The following STAB2 variants were observed in gnomAD, a reference collection of about 807,000 sequenced individuals.
The protein encoded by STAB2 is stabilin 2, also known as stabilin-2.
In STAB2, 288 loss-of-function variants were observed where a neutral mutation model predicts 338.1. That is an observed-to-expected ratio of 0.85 (90% CI 0.77 to 0.94). STAB2 has a LOEUF of 0.94. Ranked by LOEUF, STAB2 falls within the 40% of genes least tolerant of loss-of-function variation. STAB2 has a pLI of 0.00. For missense variants in STAB2, 3,141 were observed against 3,210.1 expected (o/e 0.98, Z 0.52); for synonymous variants, 1,202 against 1,193.3 (o/e 1.01, Z -0.15).
chr12:103,658,450 A>C (rs1429643727), intron 15 of STAB2, among the ~76,000 whole-genome samples: 3 of 152,162 alleles, frequency 2.0e-5, no homozygotes, highest in Admixed American at 2.0e-4. Context: ...AGTGATGCGG[A>C]TCAATTTCTT....
chr12:103,636,492 C>T (rs1057357485), intron 6 of STAB2, among the ~76,000 whole-genome samples: 1 of 151,826 alleles, frequency 6.6e-6, no homozygotes, highest in Non-Finnish European at 1.5e-5. Context: ...GATCAGGGCT[C>T]ACCTCCTATA....
chr12:103,621,291 G>A (rs577285134), intron 4 of STAB2, among the ~76,000 whole-genome samples: 19 of 145,836 alleles, frequency 1.3e-4, no homozygotes, highest in African/African-American at 3.9e-4. Flanking sequence ...TTTGTGAACC[G>A]TTAGGCTTAC....
chr12:103,753,178 C>A (rs774619296), intron 60 of STAB2, 42 bp from the exon 61 acceptor site: 1 of 1,608,274 alleles, frequency 6.2e-7, no homozygotes, highest in East Asian at 2.2e-5. Flanking sequence ...CACTGCCAAC[C>A]TGGTGGGCTG....
chr12:103,672,543 G>A (rs703642), intron 22 of STAB2, among the ~76,000 whole-genome samples: 1 of 152,014 alleles, frequency 6.6e-6, no homozygotes, highest in East Asian at 1.9e-4. Context: ...GATTTTCCAG[G>A]CCCGCTCACT....
intron 36 of STAB2, 97 bp from the exon 37 acceptor site, chr12:103,705,535 T>A: frequency 1.1e-6 from 1 of 940,176 alleles, no homozygotes; most frequent in Non-Finnish European, 1.7e-6. Flanking sequence ...AACACTTTAG[T>A]CAGAGAGACA....
intron 63 of STAB2, among the ~76,000 whole-genome samples, chr12:103,757,545 C>T (rs1884224732): frequency 6.6e-6 from 1 of 152,240 alleles, no homozygotes; most frequent in Non-Finnish European, 1.5e-5. Flanking sequence ...GGGGGCACCC[C>T]AGGGTCCCCC....
In STAB2 at chr12:103,670,742, G is replaced by T; in HGVS notation, c.2306G>T (p.Gly769Val). 6.2e-7 allele frequency: 1 copy of T among 1,614,144 alleles called. No homozygotes were observed. The highest frequency in any genetic ancestry group is 8.5e-7 in the Non-Finnish European group (1 of 1,180,010). ...AACGGGACATGCATTTGTGAGGAGGGCTTCCAAGGCTCCCAGTGTCAGTTC... is the reference window on the plus strand; with the variant it reads ...AACGGGACATGCATTTGTGAGGAGGTCTTCCAAGGCTCCCAGTGTCAGTTC... The part of the protein sequence containing the change: ...GGNGTCICEE[G>V]FQGSQCQFCS... Residue 769 changes from glycine (G) to valine (V), a missense_variant, in exon 22 of 69, where the codon GGC becomes GTC. By Grantham distance (109) the Gly-to-Val change is moderately radical. Coordinates refer to ENST00000388887, the MANE Select transcript of STAB2 (RefSeq NM_017564.10).
intron 25 of STAB2, among the ~76,000 whole-genome samples, chr12:103,681,641 G>A (rs1228538494): frequency 1.9e-4 from 2 of 10,760 alleles, no homozygotes; most frequent in African/African-American, 5.3e-4. Context: ...TTTTTTTTTT[G>A]AGACAGAGTC....
At chr12:103,620,654 C>A (rs937680402) in intron 4 of STAB2, 101 bp downstream of exon 4, 11 of 929,274 alleles carry the variant, frequency 1.2e-5, no homozygotes, top group Non-Finnish European at 1.8e-5. Flanking sequence ...CACACACACA[C>A]GTGCACACAC....
intron 9 of STAB2, among the ~76,000 whole-genome samples, chr12:103,641,238 T>C (rs1484265992): frequency 6.6e-6 from 1 of 152,192 alleles, no homozygotes; most frequent in East Asian, 1.9e-4. Context: ...CAGGTTGTAT[T>C]ATCATCATGT....
chr12:103,646,488 A>G (rs953938690), intron 9 of STAB2, among the ~76,000 whole-genome samples: 6 of 152,040 alleles, frequency 3.9e-5, no homozygotes, highest in East Asian at 3.9e-4. Flanking sequence ...TCACAGTGCT[A>G]TTTTTCTTTC....
rs138849911 is a variant in STAB2, at chr12:103,660,725, A to G, written c.1831A>G (p.Met611Val). 2,051 of 1,614,172 alleles carry G rather than the reference A, an allele frequency of 1.3e-3. 2 individuals carry two copies. Among genetic ancestry groups the G allele is most frequent in the Middle Eastern group, 2.0e-3 (12 of 6,062 alleles). ...CATCTCCACCCCTCACATCAGGAGCATGGCCAACCAGCTCATACAGTTCAA... is the reference window on the plus strand; with the variant it reads ...CATCTCCACCCCTCACATCAGGAGCGTGGCCAACCAGCTCATACAGTTCAA... ...TLISTPHIRS[M>V]ANQLIQFNTT... Residue 611 changes from methionine (M) to valine (V), a missense_variant, in exon 17 of 69, where the codon ATG becomes GTG. Coordinates refer to ENST00000388887, the MANE Select transcript of STAB2 (RefSeq NM_017564.10).
At chr12:103,613,349 C>T (rs974179558) in intron 3 of STAB2, among the ~76,000 whole-genome samples, 6 of 152,222 alleles carry the variant, frequency 3.9e-5, no homozygotes, top group Admixed American at 3.9e-4. Context: ...TTCGAGCTTC[C>T]CGGCCACTTT....
At chr12:103,736,817 C>G (rs1882166949) in intron 52 of STAB2, among the ~76,000 whole-genome samples, 2 of 152,156 alleles carry the variant, frequency 1.3e-5, no homozygotes, top group South Asian at 4.2e-4. Context: ...TATCTCCATC[C>G]CATCCATAGA....
Position 103,632,996 on chromosome 12 carries a change from C to T in STAB2, c.583+1303C>T, listed in dbSNP as rs565327988. ...CATTTTATTGGAAGCGGTTGAGATGCCGTGAGCGGTGGTAGTAACAGGATG... is the reference window on the plus strand; with the variant it reads ...CATTTTATTGGAAGCGGTTGAGATGTCGTGAGCGGTGGTAGTAACAGGATG... On this transcript the variant is annotated intron_variant, in intron 6 of 68. Coordinates refer to ENST00000388887, the MANE Select transcript of STAB2 (RefSeq NM_017564.10). Among the ~76,000 whole-genome samples the T allele has an allele frequency of 1.2e-4, 18 of 152,324 alleles. No individual in the cohort carries two copies. In the South Asian group the frequency reaches 2.7e-3, roughly 23 times the overall value.
intron 28 of STAB2, among the ~76,000 whole-genome samples, chr12:103,689,366 C>T (rs574409423): frequency 2.8e-4 from 42 of 152,114 alleles, no homozygotes; most frequent in African/African-American, 1.0e-3. Context: ...GCCTGTAATT[C>T]CAGCTACTCA....
chr12:103,654,110 A>G (rs891167299), intron 12 of STAB2, among the ~76,000 whole-genome samples: 1 of 152,234 alleles, frequency 6.6e-6, no homozygotes, highest in Non-Finnish European at 1.5e-5. Flanking sequence ...CATTCATTCA[A>G]CCAATATTTA....
Position 103,725,058 on chromosome 12 carries a change from T to A in STAB2, c.4767T>A (p.Ile1589=), listed in dbSNP as rs1488490569. The change falls in exon 45 of 69, where the codon ATT becomes ATA. Residue 1589 remains isoleucine (I), a synonymous_variant. Transcript: ENST00000388887. ...CTTGTACTTGCAAGCCAAACTACAT[T>A]GGAGATGGATTTACCTGCCGCGGCA... ...ERTCTCKPNY[I]GDGFTCRGSI... is the part of the protein sequence containing the mutation. The A allele has an allele frequency of 1.2e-6, 2 of 1,613,358 alleles. No homozygotes were observed. The highest frequency in any genetic ancestry group is 1.7e-6 in the Non-Finnish European group (2 of 1,179,494).
chr12:103,612,644 G>T (rs1170276870), intron 3 of STAB2, among the ~76,000 whole-genome samples: 1 of 152,128 alleles, frequency 6.6e-6, no homozygotes, highest in Non-Finnish European at 1.5e-5. Flanking sequence ...TCCTCCTTTA[G>T]CTCGGAGAAG....
Sources: gnomAD v4.1 joint callset for allele counts (sites outside exome capture counted in the v4.1 genomes callset) on GRCh38, gnomAD v4.1.1 for gene constraint, MANE v1.5 for transcripts, NCBI Gene and HGNC (gene_info 2026-07-23, HGNC 2026-07-21) for gene names.